UBXN2A: variants seen among roughly 807,000 people sequenced by gnomAD.
UBXN2A encodes UBX domain protein 2A, also known as UBX domain-containing protein 2A.
UBXN2A carries 28 observed loss-of-function variants against 28.4 expected under a neutral mutation model. The observed-to-expected ratio is 0.99, with a 90% CI of 0.73 to 1.35. UBXN2A has a LOEUF of 1.35. Among genes scored for constraint, UBXN2A ranks in the 40% most tolerant of loss-of-function variants. The pLI is 0.00. For synonymous variants in UBXN2A, 97 were observed against 103.6 expected (o/e 0.94, Z 0.39); for missense variants, 253 against 297.9 (o/e 0.85, Z 1.11).
At chr2:23,932,750 A>G (rs557331326) in intron 1 of UBXN2A, among the ~76,000 whole-genome samples, 24 of 152,376 alleles carry the variant, frequency 1.6e-4, no homozygotes, top group African/African-American at 5.5e-4. Flanking sequence ...TACCTTCAAC[A>G]GAAAGCACAA....
chr2:23,938,543 G>GC (rs754560724), upstream of UBXN2A, among the ~76,000 whole-genome samples: 16,998 of 144,712 alleles, frequency 0.12, 1,095 homozygotes, highest in Middle Eastern at 0.22. Flanking sequence ...AATCCCAGTG[G>GC]CCCCCCCCTC....
At chr2:23,991,910 G>A (rs1365614841) in intron 6 of UBXN2A, among the ~76,000 whole-genome samples, 1 of 152,044 alleles carries the variant, frequency 6.6e-6, no homozygotes, top group African/African-American at 2.4e-5. Flanking sequence ...TCGTCCCTCA[G>A]CCTCCCAAGT....
chr2:23,952,770 G>T (rs1706436772), intron 1 of UBXN2A, among the ~76,000 whole-genome samples: 1 of 152,018 alleles, frequency 6.6e-6, no homozygotes, highest in Non-Finnish European at 1.5e-5. Flanking sequence ...GTAGAGATGG[G>T]GTCTGGCTAT....
intron 6 of UBXN2A, among the ~76,000 whole-genome samples, chr2:23,991,495 G>A (rs1460242780): frequency 6.6e-6 from 1 of 151,814 alleles, no homozygotes; most frequent in Non-Finnish European, 1.5e-5. Context: ...TTGAGATGGA[G>A]TCTCTCTCTG....
intron 1 of UBXN2A, among the ~76,000 whole-genome samples, chr2:23,947,990 G>C (rs1706171278): frequency 6.6e-6 from 1 of 151,818 alleles, no homozygotes; most frequent in Non-Finnish European, 1.5e-5. Context: ...AAGTAGCTGA[G>C]ATTACAGGTG....
chr2:23,947,141 A>G (rs1706127481), intron 1 of UBXN2A, among the ~76,000 whole-genome samples: 1 of 152,144 alleles, frequency 6.6e-6, no homozygotes, highest in African/African-American at 2.4e-5. Context: ...CCACCACCTG[A>G]GCCTCCTAAA....
rs1708761488 is a variant in UBXN2A at position 24,004,104 on chromosome 2, T to C, written c.*4237T>C. On this transcript the variant is annotated 3_prime_UTR_variant, in exon 7 of 7. Transcript: ENST00000309033. ...ATTCTAACTGTGAAACGTTCATTAATGCGAATAATATCCTCAAAGATTTTC... is the reference window on the plus strand; with the variant it reads ...ATTCTAACTGTGAAACGTTCATTAACGCGAATAATATCCTCAAAGATTTTC... 1 of 152,212 alleles carries C rather than the reference T, an allele frequency of 6.6e-6. No individual in the cohort carries two copies. The highest frequency in any genetic ancestry group is 6.5e-5 in the Admixed American group (1 of 15,282). 9.4% of individuals were successfully genotyped at this position (152,212 alleles called of 1,614,324 possible).
intron 4 of UBXN2A, among the ~76,000 whole-genome samples, chr2:23,980,789 G>A (rs562745136): frequency 2.0e-5 from 3 of 151,956 alleles, no homozygotes; most frequent in African/African-American, 4.8e-5. Flanking sequence ...CACCACATCC[G>A]GCTAATTTTT....
chr2:23,964,814 G>A (rs987818326), intron 2 of UBXN2A, among the ~76,000 whole-genome samples: 4 of 152,126 alleles, frequency 2.6e-5, no homozygotes, highest in Non-Finnish European at 5.9e-5. Flanking sequence ...TGAAGCTTCT[G>A]TACTTTTATT....
intron 1 of UBXN2A, among the ~76,000 whole-genome samples, chr2:23,944,749 C>A (rs1705965705): frequency 6.6e-6 from 1 of 152,152 alleles, no homozygotes; most frequent in Non-Finnish European, 1.5e-5. Context: ...TTGGGCACCA[C>A]TGCCTGTGAG....
intron 4 of UBXN2A, 50 bp from the exon 5 acceptor site, chr2:23,982,846 G>A (rs957087379): frequency 7.8e-6 from 12 of 1,530,314 alleles, no homozygotes; most frequent in Non-Finnish European, 1.1e-5. Flanking sequence ...GTTTTTCAGA[G>A]AAATAAAATA....
At chr2:23,974,757 C>T (rs1474713066) in intron 3 of UBXN2A, among the ~76,000 whole-genome samples, 2 of 152,116 alleles carry the variant, frequency 1.3e-5, no homozygotes, top group Admixed American at 1.3e-4. Context: ...GTGGGTGAAT[C>T]ACTTGAGGCC....
At chr2:23,964,192 C>A (rs560276758) in intron 2 of UBXN2A, among the ~76,000 whole-genome samples, 1 of 151,262 alleles carries the variant, frequency 6.6e-6, no homozygotes, top group Non-Finnish European at 1.5e-5. Flanking sequence ...ATAATACATA[C>A]CCAAAATGGA....
intron 1 of UBXN2A, among the ~76,000 whole-genome samples, chr2:23,950,521 A>G (rs567577304): frequency 5.3e-5 from 8 of 151,764 alleles, no homozygotes; most frequent in Admixed American, 5.3e-4. Flanking sequence ...CTCCCACCTC[A>G]GCCTCTTGGT....
At chr2:23,939,579 G>C (rs1351743839), upstream of UBXN2A, 3 of 152,742 alleles carry the variant, frequency 2.0e-5, no homozygotes, top group African/African-American at 7.2e-5. Context: ...TGCGGCTGAG[G>C]CTCGGTCACC....
At chr2:23,991,573 A>G (rs996160527) in intron 6 of UBXN2A, among the ~76,000 whole-genome samples, 25 of 151,468 alleles carry the variant, frequency 1.7e-4, no homozygotes, top group African/African-American at 4.6e-4. Flanking sequence ...GGTTCAAGCA[A>G]TTCTCCCTGC....
At chr2:23,983,390 C>T (rs976041443) in intron 5 of UBXN2A, among the ~76,000 whole-genome samples, 1 of 151,902 alleles carries the variant, frequency 6.6e-6, no homozygotes. Context: ...GTCTGTAATC[C>T]CAGCTCCTCG....
chr2:23,971,105 C>T lies in UBXN2A; in HGVS notation c.42-171C>T, dbSNP rs577945584. ...GAGCTGAGGTTGAGAAAACCATGCT[C>T]TGGACTAAAAAGGGGTTAATGACTT... On this transcript the variant is annotated intron_variant, in intron 2 of 6. Transcript: ENST00000309033. Among the ~76,000 whole-genome samples, 23 of 152,240 alleles carry T rather than the reference C, an allele frequency of 1.5e-4. No individual in the cohort carries two copies. In the South Asian group the frequency reaches 4.8e-3, roughly 32 times the overall value.
intron 6 of UBXN2A, among the ~76,000 whole-genome samples, chr2:23,992,514 T>C (rs931035987): frequency 1.1e-4 from 17 of 152,190 alleles, no homozygotes; most frequent in African/African-American, 3.1e-4. Flanking sequence ...ATACGAACAA[T>C]ACCTCGGAAA....
Sources: gnomAD v4.1 joint callset for allele counts (sites outside exome capture counted in the v4.1 genomes callset) on GRCh38, gnomAD v4.1.1 for gene constraint, MANE v1.5 for transcripts, NCBI Gene and HGNC (gene_info 2026-07-23, HGNC 2026-07-21) for gene names.